Variants in MYO6 observed in about 807,000 individuals in gnomAD.
MYO6 encodes myosin VI.
MYO6 carries 74 observed loss-of-function variants against 178.7 expected under a neutral mutation model. The ratio of observed to expected loss-of-function variants is 0.41; its 90% CI spans 0.34 to 0.50. The LOEUF (loss-of-function observed/expected upper bound fraction) is 0.50. Among genes scored for constraint, MYO6 ranks in the 20% least tolerant of loss-of-function variants. The pLI is 0.09. For missense variants in MYO6, 1,330 were observed against 1,547.4 expected (o/e 0.86, Z 2.36); for synonymous variants, 477 against 504.6 (o/e 0.95, Z 0.73).
chr6:75,786,363 A>G (rs796179770), intron 1 of MYO6, among the ~76,000 whole-genome samples: 20 of 152,312 alleles, frequency 1.3e-4, no homozygotes, highest in African/African-American at 3.8e-4. Flanking sequence ...TGTCTTGGCT[A>G]TTCTTGGCCT....
chr6:75,782,152 A>G (rs1030711248), intron 1 of MYO6, among the ~76,000 whole-genome samples: 3 of 152,168 alleles, frequency 2.0e-5, no homozygotes, highest in Admixed American at 2.0e-4. Context: ...TTCAAAAAAC[A>G]TATTTTCCTT....
At chr6:75,825,420 C>T (rs1421508534) in intron 3 of MYO6, among the ~76,000 whole-genome samples, 1 of 152,090 alleles carries the variant, frequency 6.6e-6, no homozygotes, top group Non-Finnish European at 1.5e-5. Flanking sequence ...TGGTGAAACC[C>T]TGTCTCTACT....
At chr6:75,776,948 A>G (rs1052776459) in intron 1 of MYO6, among the ~76,000 whole-genome samples, 1 of 152,188 alleles carries the variant, frequency 6.6e-6, no homozygotes, top group Non-Finnish European at 1.5e-5. Context: ...ACTTTAAAAA[A>G]TTATTGCATG....
At chr6:75,859,579 C>T (rs964091940) in intron 14 of MYO6, among the ~76,000 whole-genome samples, 11 of 151,950 alleles carry the variant, frequency 7.2e-5, no homozygotes, top group African/African-American at 2.4e-4. Flanking sequence ...GGCTTACAGG[C>T]GTGAGCCACC....
At chr6:75,903,421 G>T (rs1370626995) in intron 30 of MYO6, among the ~76,000 whole-genome samples, 11 of 151,364 alleles carry the variant, frequency 7.3e-5, no homozygotes, top group African/African-American at 2.4e-4. Context: ...TGTATTGGGT[G>T]CATATATATT....
At chr6:75,760,994 T>G (rs1777894249) in intron 1 of MYO6, among the ~76,000 whole-genome samples, 1 of 152,222 alleles carries the variant, frequency 6.6e-6, no homozygotes, top group South Asian at 2.1e-4. Flanking sequence ...TTTTGGTTTG[T>G]GGGCATGATT....
At chr6:75,853,099 C>T (rs928277226) in intron 11 of MYO6, among the ~76,000 whole-genome samples, 5 of 152,138 alleles carry the variant, frequency 3.3e-5, no homozygotes, top group Non-Finnish European at 2.9e-5. Flanking sequence ...AGATGCTGAG[C>T]ATCTTTCTGT....
chr6:75,871,514 T>A (rs1050850470), intron 19 of MYO6, among the ~76,000 whole-genome samples: 1 of 152,230 alleles, frequency 6.6e-6, no homozygotes, highest in African/African-American at 2.4e-5. Context: ...CCTCTCAAAG[T>A]GCTGGCATTT....
intron 11 of MYO6, among the ~76,000 whole-genome samples, chr6:75,852,678 CTTCAT>C (rs1267821653): frequency 1.3e-5 from 2 of 152,172 alleles, no homozygotes; most frequent in African/African-American, 4.8e-5. Context: ...TTTAGCAGTA[CTTCAT>C]TTTATTTTTA....
intron 1 of MYO6, among the ~76,000 whole-genome samples, chr6:75,776,765 G>A (rs1414232197): frequency 6.6e-6 from 1 of 151,724 alleles, no homozygotes; most frequent in Non-Finnish European, 1.5e-5. Context: ...CTCCCACTTT[G>A]GCCTCCCAAA....
chr6:75,915,143 G>A lies in MYO6; in HGVS notation c.*131G>A, dbSNP rs1012907425. The A allele has an allele frequency of 5.0e-5, 47 of 944,606 alleles. No individual in the cohort carries two copies. The highest frequency in any genetic ancestry group is 2.6e-5 in the East Asian group (1 of 37,924). The allele number at this position is 944,606 out of a possible 1,614,324, so 58.5% of individuals were successfully genotyped here. A position where few individuals can be genotyped will look rare whatever the true frequency, so the allele number is the denominator to read the frequency against. Reference sequence around the variant, plus strand: ...AAAGTGAACAGATTTTATTAATCACGGCTTTTGGTGAATTTGTTTAAGGTT... The same window carrying A: ...AAAGTGAACAGATTTTATTAATCACAGCTTTTGGTGAATTTGTTTAAGGTT... On this transcript the variant is annotated 3_prime_UTR_variant, in exon 35 of 35. Transcript: ENST00000369977.
intron 13 of MYO6, 127 bp from the exon 14 acceptor site, chr6:75,858,775 A>G (rs929511329): frequency 2.5e-5 from 16 of 652,608 alleles, no homozygotes; most frequent in Middle Eastern, 4.1e-4. Context: ...TATAGAACAA[A>G]TATATATAAT....
chr6:75,763,006 G>A (rs972052991), intron 1 of MYO6, among the ~76,000 whole-genome samples: 2 of 151,420 alleles, frequency 1.3e-5, no homozygotes, highest in South Asian at 2.1e-4. Context: ...ATAGGCATGA[G>A]CCACTGCATC....
chr6:75,836,151 G>C (rs1270130222), intron 7 of MYO6, among the ~76,000 whole-genome samples, 195 bp downstream of exon 7: 1 of 152,158 alleles, frequency 6.6e-6, no homozygotes, highest in Non-Finnish European at 1.5e-5. Flanking sequence ...AAAACACTAA[G>C]AAGGCAGGGA....
intron 11 of MYO6, among the ~76,000 whole-genome samples, chr6:75,854,275 C>CTTTG (rs1775543486): frequency 2.2e-5 from 1 of 45,470 alleles, no homozygotes; most frequent in South Asian, 1.2e-3. Flanking sequence ...AACTGCATTG[C>CTTTG]TTTTTTTTTT....
intron 16 of MYO6, among the ~76,000 whole-genome samples, chr6:75,865,727 C>G (rs369019627): frequency 1.4e-5 from 2 of 148,004 alleles, no homozygotes; most frequent in Admixed American, 6.7e-5. Flanking sequence ...TAAGTGAAAA[C>G]ATTTTAGAAA....
At chr6:75,751,131 G>A (rs1776856713) in intron 1 of MYO6, among the ~76,000 whole-genome samples, 1 of 152,184 alleles carries the variant, frequency 6.6e-6, no homozygotes, top group South Asian at 2.1e-4. Context: ...GTGGGCTATA[G>A]CCAGAGCTTG....
At chr6:75,877,257 G>A (rs1425921414) in intron 20 of MYO6, among the ~76,000 whole-genome samples, 1 of 150,506 alleles carries the variant, frequency 6.6e-6, no homozygotes, top group Non-Finnish European at 1.5e-5. Flanking sequence ...ACAGGCATGA[G>A]CCACCGCGCC....
chr6:75,839,982 G>C (rs1774053753), intron 7 of MYO6, among the ~76,000 whole-genome samples: 2 of 151,050 alleles, frequency 1.3e-5, no homozygotes, highest in Non-Finnish European at 1.5e-5. Context: ...TTAAAGTCTA[G>C]TTATAAATTT....
Sources: allele counts gnomAD v4.1 joint callset (sites outside exome capture counted in the v4.1 genomes callset), GRCh38; gene constraint gnomAD v4.1.1; transcripts MANE v1.5; gene names NCBI Gene and HGNC (gene_info 2026-07-23, HGNC 2026-07-21).